The following STPG2 variants were observed in gnomAD, a reference collection of about 807,000 sequenced individuals.
STPG2 encodes sperm tail PG-rich repeat containing 2.
STPG2 carries 56 observed loss-of-function variants against 54.2 expected under a neutral mutation model. That is an observed-to-expected ratio of 1.03 (90% confidence interval 0.83 to 1.29). The LOEUF (loss-of-function observed/expected upper bound fraction) is 1.29. STPG2 is among the 50% of genes most tolerant of loss of function. The probability of loss-of-function intolerance (pLI) is 0.00; values close to 1 mark genes in which losing one functional copy is unlikely to be tolerated. For synonymous variants in STPG2, 200 were observed against 181.8 expected, an observed-to-expected ratio of 1.10 and a Z score of -0.81; for missense variants, 596 against 544.9, an observed-to-expected ratio of 1.09 and a Z score of -0.93.
chr4:97,993,365 G>A (rs909105559), intron 5 of STPG2, among the ~76,000 whole-genome samples: 34 of 152,024 alleles, frequency 2.2e-4, no homozygotes, highest in African/African-American at 7.2e-4. Flanking sequence ...TTCTATTTAT[G>A]TAGTATATCA....
intron 5 of STPG2, among the ~76,000 whole-genome samples, chr4:97,998,455 T>TA (rs560682796): frequency 6.4e-4 from 98 of 152,258 alleles, no homozygotes; most frequent in African/African-American, 2.1e-3. Flanking sequence ...CCCCAGCTGA[T>TA]ACGACATGGA....
intron 5 of STPG2, among the ~76,000 whole-genome samples, chr4:98,049,901 C>T (rs1737261420): frequency 6.6e-6 from 1 of 151,998 alleles, no homozygotes; most frequent in Non-Finnish European, 1.5e-5. Context: ...CTGATTATGC[C>T]TCTAGTCTAC....
Position 97,943,933 on chromosome 4 carries a change from C to T in STPG2, c.1008G>A (p.Leu336=). 1.9e-6 allele frequency: 3 copies of T among 1,592,246 alleles called. No individual in the cohort carries two copies. The highest frequency in any genetic ancestry group is 2.6e-6 in the Non-Finnish European group (3 of 1,173,292). Residue 336 remains leucine, a synonymous_variant, in exon 8 of 11, where the codon TTG becomes TTA. Transcript: ENST00000295268. ...PNLTNKYAAF[L]SRAKRTMKVP... ...CTTTCATAGTTCTTTTGGCTCTTGA[C>T]AAGAAAGCAGCATATTTGTTAGTCA...
chr4:98,141,097 A>C (rs954514213), intron 1 of STPG2, among the ~76,000 whole-genome samples: 1 of 152,184 alleles, frequency 6.6e-6, no homozygotes, highest in African/African-American at 2.4e-5. Context: ...TAAGGGGTCT[A>C]GGGAGTCACG....
chr4:97,861,702 C>T (rs1253503941), intron 8 of STPG2, among the ~76,000 whole-genome samples: 2 of 152,092 alleles, frequency 1.3e-5, no homozygotes, highest in Non-Finnish European at 2.9e-5. Flanking sequence ...AAGAGAAGCC[C>T]ATCAGACTAA....
chr4:98,005,661 G>GAT (rs1560631877), intron 5 of STPG2, among the ~76,000 whole-genome samples: 2 of 152,004 alleles, frequency 1.3e-5, no homozygotes, highest in Non-Finnish European at 2.9e-5. Flanking sequence ...CTTGTAATGT[G>GAT]ATATATCCTA....
At chr4:97,980,638 T>C (rs979143116) in intron 6 of STPG2, among the ~76,000 whole-genome samples, 3 of 152,150 alleles carry the variant, frequency 2.0e-5, no homozygotes, top group Non-Finnish European at 4.4e-5. Context: ...TGATATATAA[T>C]AGAAAAGCCT....
intron 10 of STPG2, among the ~76,000 whole-genome samples, chr4:97,576,775 C>CACAGTAAA (rs1214540850): frequency 5.7e-4 from 87 of 152,154 alleles, no homozygotes; most frequent in African/African-American, 2.0e-3. Context: ...AGAGATTCTG[C>CACAGTAAA]ACAGTAAAAC....
intron 5 of STPG2, among the ~76,000 whole-genome samples, chr4:98,019,843 T>A (rs1084776): frequency 8.9e-6 from 1 of 112,554 alleles, no homozygotes; most frequent in Admixed American, 8.5e-5. Flanking sequence ...TATAAGAATG[T>A]TTGTGATTTT....
At chr4:97,606,868 T>C (rs181791108) in intron 10 of STPG2, among the ~76,000 whole-genome samples, 1 of 152,070 alleles carries the variant, frequency 6.6e-6, no homozygotes, top group Admixed American at 6.6e-5. Flanking sequence ...CTAAGAGAAA[T>C]GAAAAACAGT....
intron 10 of STPG2, among the ~76,000 whole-genome samples, chr4:97,562,608 T>C (rs1732286688): frequency 6.6e-6 from 1 of 152,208 alleles, no homozygotes; most frequent in African/African-American, 2.4e-5. Context: ...TATTTTGAGA[T>C]ACTTCCCATC....
At chr4:97,617,984 A>G (rs1191564661) in intron 10 of STPG2, among the ~76,000 whole-genome samples, 5 of 152,220 alleles carry the variant, frequency 3.3e-5, no homozygotes, top group Admixed American at 1.3e-4. Flanking sequence ...GTCTAGACTT[A>G]TCAACCAAAG....
chr4:97,843,171 G>C (rs552068549), intron 8 of STPG2, among the ~76,000 whole-genome samples: 57 of 151,370 alleles, frequency 3.8e-4, no homozygotes, highest in Non-Finnish European at 5.5e-4. Flanking sequence ...ATGGTTTTTT[G>C]GTGGTTTTTT....
intron 10 of STPG2, among the ~76,000 whole-genome samples, chr4:97,631,876 A>G (rs1252560113): frequency 6.6e-6 from 1 of 152,074 alleles, no homozygotes; most frequent in African/African-American, 2.4e-5. Flanking sequence ...TTTCTTTTCT[A>G]TCTCTCAATT....
At chr4:97,726,807 C>T (rs992152710) in intron 9 of STPG2, among the ~76,000 whole-genome samples, 3 of 151,126 alleles carry the variant, frequency 2.0e-5, no homozygotes, top group Non-Finnish European at 4.4e-5. Flanking sequence ...ACACATAATA[C>T]AAACATACAC....
chr4:97,913,360 A>G (rs896404081), intron 8 of STPG2, among the ~76,000 whole-genome samples: 5 of 152,182 alleles, frequency 3.3e-5, no homozygotes, highest in African/African-American at 1.2e-4. Flanking sequence ...GAGCAAATAA[A>G]GAAGTTACAA....
Position 97,721,635 on chromosome 4 carries a change from C to T in STPG2, c.1205-8821G>A, listed in dbSNP as rs895480916. On this transcript the variant is annotated intron_variant, in intron 9 of 10. Transcript: ENST00000295268. ...TTTGGTATTTTTAACTATATGATGA[C>T]CGAAAGCTTAGCATTTGTACACTAT... 3.3e-5 allele frequency among the ~76,000 whole-genome samples: 5 copies of T among 151,970 alleles called. No individual in the cohort carries two copies. In the South Asian group the frequency reaches 1.0e-3, roughly 32 times the overall value.
intron 8 of STPG2, among the ~76,000 whole-genome samples, chr4:97,920,285 T>A (rs1244030377): frequency 6.6e-6 from 1 of 152,150 alleles, no homozygotes. Context: ...TGTCACACAC[T>A]CACAAAATTT....
At chr4:97,741,824 G>C (rs1394152165) in intron 9 of STPG2, among the ~76,000 whole-genome samples, 2 of 152,024 alleles carry the variant, frequency 1.3e-5, no homozygotes, top group African/African-American at 4.8e-5. Context: ...CAGGGATCTA[G>C]AACTAGAAAT....
Sources: gnomAD v4.1 joint callset for allele counts (sites outside exome capture counted in the v4.1 genomes callset) on GRCh38, gnomAD v4.1.1 for gene constraint, MANE v1.5 for transcripts, NCBI Gene and HGNC (gene_info 2026-07-23, HGNC 2026-07-21) for gene names.